The following ABCA12 variants were observed in gnomAD, a reference collection of about 807,000 sequenced individuals.
The protein encoded by ABCA12 is glucosylceramide transporter ABCA12.
A neutral mutation model predicts 293.5 loss-of-function variants in ABCA12; 156 were observed. That is an observed-to-expected ratio of 0.53 (90% CI 0.47 to 0.61). The LOEUF (loss-of-function observed/expected upper bound fraction) is 0.61. Among genes scored for constraint, ABCA12 ranks in the 20% least tolerant of loss-of-function variants. The probability of loss-of-function intolerance (pLI) is 0.00; values close to 1 mark genes in which losing one functional copy is unlikely to be tolerated. For missense variants in ABCA12, 2,797 were observed against 3,090.2 expected (o/e 0.91, Z 2.25); for synonymous variants, 1,063 against 1,108.0 (o/e 0.96, Z 0.81).
intron 9 of ABCA12, among the ~76,000 whole-genome samples, chr2:215,031,389 C>T (rs1700873931): frequency 6.6e-6 from 1 of 152,134 alleles, no homozygotes; most frequent in Admixed American, 6.5e-5. Context: ...ACTCCTAACC[C>T]CCAAGATGAT....
chr2:214,997,105 A>C (rs1290137512), intron 23 of ABCA12, among the ~76,000 whole-genome samples: 2 of 152,208 alleles, frequency 1.3e-5, no homozygotes, highest in African/African-American at 4.8e-5. Context: ...GTCATGCATC[A>C]CACTCCTGGT....
Position 214,932,643 on chromosome 2 carries a change from C to T in ABCA12, c.7779G>A (p.Met2593Ile). ...TISVDSQDDQ[M>I]ES ...GAGTTTGCTGGAAGTGTTAAGACTC[C>T]ATCTGGTCATCTTGTGAGTCAACAC... Residue 2593 changes from methionine (M) to isoleucine (I), a missense_variant, in exon 53 of 53, where the codon ATG becomes ATA. Coordinates refer to ENST00000272895, the MANE Select transcript of ABCA12 (RefSeq NM_173076.3). 6.2e-7 allele frequency: 1 copy of T among 1,611,876 alleles called. No individual in the cohort carries two copies. The highest frequency in any genetic ancestry group is 8.5e-7 in the Non-Finnish European group (1 of 1,178,266).
chr2:215,112,790 G>T (rs1453967785), intron 1 of ABCA12, among the ~76,000 whole-genome samples: 1 of 152,022 alleles, frequency 6.6e-6, no homozygotes, highest in Non-Finnish European at 1.5e-5. Flanking sequence ...GAGCCACCGT[G>T]CCCGGCCTGA....
intron 29 of ABCA12, 26 bp from the exon 30 acceptor site, chr2:214,982,409 T>A (rs188938987): frequency 1.3e-6 from 2 of 1,578,494 alleles, no homozygotes; most frequent in Admixed American, 1.7e-5. Context: ...ATGATGGTTA[T>A]TTTTTTACAG....
chr2:215,133,608 T>G (rs1703112211), intron 1 of ABCA12, among the ~76,000 whole-genome samples: 1 of 152,138 alleles, frequency 6.6e-6, no homozygotes, highest in South Asian at 2.1e-4. Flanking sequence ...ATTATTTCAT[T>G]ATTTTTAAAG....
rs746485364 is a variant in ABCA12, at chr2:215,037,063, A to C, written c.875T>G (p.Val292Gly). The C allele has an allele frequency of 1.2e-6, 2 of 1,613,568 alleles. No individual in the cohort carries two copies. The highest frequency in any genetic ancestry group is 2.2e-5 in the South Asian group (2 of 91,074). ...LFDVLRKANS[V>G]LLVVQKVYPR... ...ATAAACCTTCTGCACAACCAGCAGCACACTAAGGAGTCAAAAAGCAATTAA... is the reference window on the plus strand; with the variant it reads ...ATAAACCTTCTGCACAACCAGCAGCCCACTAAGGAGTCAAAAAGCAATTAA... The change falls in exon 8 of 53, where the codon GTG becomes GGG. Residue 292 changes from valine to glycine, a missense_variant and splice_region_variant. Val to Gly is a moderately radical substitution (Grantham distance 109). Around this residue, in one of 3 missense-constraint regions of ABCA12, gnomAD observed 656 missense variants for 638.2 expected, o/e 1.03. Coordinates refer to ENST00000272895, the MANE Select transcript of ABCA12 (RefSeq NM_173076.3).
intron 5 of ABCA12, among the ~76,000 whole-genome samples, chr2:215,051,855 A>G (rs902131042): frequency 2.8e-4 from 43 of 152,138 alleles, no homozygotes; most frequent in African/African-American, 1.0e-3. Flanking sequence ...GATTGTAGTT[A>G]CAAAGAGCAC....
chr2:214,945,332 C>G (rs142100260), intron 48 of ABCA12, among the ~76,000 whole-genome samples: 61 of 152,224 alleles, frequency 4.0e-4, no homozygotes, highest in African/African-American at 1.4e-3. Flanking sequence ...AGTTGACACC[C>G]TGTTACTTTA....
At chr2:215,028,167 T>G (rs1700791166) in intron 9 of ABCA12, among the ~76,000 whole-genome samples, 1 of 152,230 alleles carries the variant, frequency 6.6e-6, no homozygotes. Context: ...TACTGGATGT[T>G]TAACTTAGAT....
chr2:215,076,200 T>C (rs11890552), intron 2 of ABCA12, among the ~76,000 whole-genome samples: 5,400 of 152,196 alleles, frequency 0.035, 313 homozygotes, highest in African/African-American at 0.12. Context: ...AAAGAGACAA[T>C]TTATGTGACC....
intron 15 of ABCA12, among the ~76,000 whole-genome samples, chr2:215,013,901 C>T (rs139636914): frequency 1.4e-3 from 217 of 152,224 alleles, no homozygotes; most frequent in African/African-American, 4.9e-3. Flanking sequence ...TAAAAATGGG[C>T]GAAGCACGAT....
chr2:215,068,809 T>C (rs1343647207), intron 2 of ABCA12, among the ~76,000 whole-genome samples: 1 of 152,168 alleles, frequency 6.6e-6, no homozygotes, highest in Non-Finnish European at 1.5e-5. Context: ...CTTTACTTTG[T>C]CTTTTTCACC....
intron 7 of ABCA12, 32 bp from the exon 8 acceptor site, chr2:215,037,097 C>T: frequency 6.3e-7 from 1 of 1,577,238 alleles, no homozygotes; most frequent in Non-Finnish European, 8.7e-7. Context: ...AAACCAGATT[C>T]TGTTTCAAGG....
chr2:214,983,416 G>A (rs73090403), intron 29 of ABCA12, among the ~76,000 whole-genome samples: 1,928 of 152,216 alleles, frequency 0.013, 41 homozygotes, highest in African/African-American at 0.044. Flanking sequence ...AAAGGATTCG[G>A]GGCAATATGG....
At chr2:215,131,702 G>GTTTTTTTTTTTTTTTTTT (rs35844951) in intron 1 of ABCA12, among the ~76,000 whole-genome samples, 1 of 80,180 alleles carries the variant, frequency 1.2e-5, no homozygotes, top group Non-Finnish European at 2.7e-5. Context: ...CCTTTCTATT[G>GTTTTTTTTTTTTTTTTTT]TTTTTTTTTT....
At chr2:215,105,136 G>A (rs1264406193) in intron 2 of ABCA12, among the ~76,000 whole-genome samples, 1 of 152,138 alleles carries the variant, frequency 6.6e-6, no homozygotes, top group Admixed American at 6.5e-5. Context: ...GCGTACAGTG[G>A]TATGATGTGA....
intron 30 of ABCA12, among the ~76,000 whole-genome samples, chr2:214,981,546 G>C (rs1232266843): frequency 3.3e-5 from 5 of 152,106 alleles, no homozygotes; most frequent in Non-Finnish European, 7.3e-5. Flanking sequence ...GGCCAGTTAA[G>C]TGCTCAACTC....
chr2:214,958,571 A>G, intron 40 of ABCA12, 117 bp from the exon 41 acceptor site: 1 of 1,067,118 alleles, frequency 9.4e-7, no homozygotes, highest in Non-Finnish European at 1.4e-6. Flanking sequence ...CTGTGACACA[A>G]ATAAGGCATC....
At chr2:215,112,840 C>G (rs369835609) in intron 1 of ABCA12, among the ~76,000 whole-genome samples, 2 of 152,046 alleles carry the variant, frequency 1.3e-5, no homozygotes, top group South Asian at 4.1e-4. Context: ...ACTTTAGGAG[C>G]TGCTTTTCCT....
Sources: allele counts gnomAD v4.1 joint callset (sites outside exome capture counted in the v4.1 genomes callset), GRCh38; gene constraint gnomAD v4.1.1; regional missense constraint gnomAD v4.1.1; transcripts MANE v1.5; gene names NCBI Gene and HGNC (gene_info 2026-07-23, HGNC 2026-07-21).